Variants in TMEM144 observed in about 807,000 individuals in gnomAD.
TMEM144 encodes the protein transmembrane protein 144.
Under a neutral mutation model 43.6 loss-of-function variants are expected in TMEM144, and 39 were observed. The ratio of observed to expected loss-of-function variants is 0.90; its 90% CI spans 0.69 to 1.17. The LOEUF is 1.17. TMEM144 is among the 50% of genes most tolerant of loss of function. The pLI is 0.00. For missense variants in TMEM144, 417 were observed against 411.9 expected, an observed-to-expected ratio of 1.01 and a Z score of -0.11; for synonymous variants, 154 against 133.6, an observed-to-expected ratio of 1.15 and a Z score of -1.06.
intron 7 of TMEM144, 66 bp from the exon 8 acceptor site, chr4:158,235,372 A>G: frequency 6.5e-7 from 1 of 1,532,048 alleles, no homozygotes; most frequent in Non-Finnish European, 9.0e-7. Flanking sequence ...CACTAGAAAT[A>G]TTGTCACCAG....
chr4:158,222,255 C>A (rs1174079015), intron 6 of TMEM144, among the ~76,000 whole-genome samples: 2 of 152,176 alleles, frequency 1.3e-5, no homozygotes, highest in Non-Finnish European at 2.9e-5. Flanking sequence ...TGTCATTGTC[C>A]TGTTTAAAAA....
At chr4:158,227,354 G>A (rs1234049590) in intron 6 of TMEM144, among the ~76,000 whole-genome samples, 2 of 152,212 alleles carry the variant, frequency 1.3e-5, no homozygotes, top group East Asian at 3.9e-4. Flanking sequence ...CTGGGTTAAG[G>A]ATTTTTGATA....
intron 12 of TMEM144, among the ~76,000 whole-genome samples, chr4:158,253,072 A>T (rs1736290040): frequency 6.6e-6 from 1 of 152,082 alleles, no homozygotes; most frequent in South Asian, 2.1e-4. Context: ...TCCACTTCCC[A>T]CCCTCCAAAC....
At chr4:158,218,831 T>C (rs1205746686) in intron 5 of TMEM144, among the ~76,000 whole-genome samples, 1 of 152,146 alleles carries the variant, frequency 6.6e-6, no homozygotes, top group Non-Finnish European at 1.5e-5. Context: ...TATTATCCCA[T>C]TTTAAACATG....
chr4:158,238,975 T>C (rs1270082438), intron 9 of TMEM144, among the ~76,000 whole-genome samples: 1 of 152,214 alleles, frequency 6.6e-6, no homozygotes, highest in Non-Finnish European at 1.5e-5. Context: ...AACACATATG[T>C]AATATGTGCT....
intron 8 of TMEM144, 142 bp from the exon 9 acceptor site, chr4:158,237,383 G>A (rs918166178): frequency 1.5e-5 from 10 of 647,010 alleles, no homozygotes; most frequent in Non-Finnish European, 2.7e-5. Flanking sequence ...TGTGACTTCC[G>A]CCAGTCACAG....
chr4:158,219,450 G>T, intron 6 of TMEM144, 60 bp downstream of exon 6: 1 of 1,468,624 alleles, frequency 6.8e-7, no homozygotes, highest in Non-Finnish European at 9.5e-7. Flanking sequence ...GCTTTTTTAA[G>T]GATCCTGCTA....
At chr4:158,244,465 T>A in intron 12 of TMEM144, 116 bp downstream of exon 12, 1 of 735,560 alleles carries the variant, frequency 1.4e-6, no homozygotes, top group Non-Finnish European at 2.3e-6. Context: ...AGGTTAGGAG[T>A]TCAAGACCAG....
chr4:158,222,141 C>G (rs991262021), intron 6 of TMEM144, among the ~76,000 whole-genome samples: 1 of 152,184 alleles, frequency 6.6e-6, no homozygotes, highest in African/African-American at 2.4e-5. Flanking sequence ...CCTACCTACC[C>G]ACTTGTATAC....
chr4:158,235,401 G>A (rs1259960578), intron 7 of TMEM144, 37 bp from the exon 8 acceptor site: 1 of 1,604,604 alleles, frequency 6.2e-7, no homozygotes, highest in East Asian at 2.2e-5. Context: ...TCAATTGAAT[G>A]TTCTTTTGTT....
chr4:158,245,731 C>T (rs186613944), intron 12 of TMEM144, among the ~76,000 whole-genome samples: 1 of 152,168 alleles, frequency 6.6e-6, no homozygotes, highest in African/African-American at 2.4e-5. Flanking sequence ...TTGAGACCAG[C>T]CTAGGCAACA....
chr4:158,212,035 A>G (rs1184559472), intron 2 of TMEM144: 1 of 152,188 alleles, frequency 6.6e-6, no homozygotes, highest in African/African-American at 2.4e-5. Flanking sequence ...AAAAGAAACC[A>G]CTGGATTATT....
chr4:158,229,008 T>TTTTTA (rs1734923564), intron 6 of TMEM144, among the ~76,000 whole-genome samples: 1 of 151,822 alleles, frequency 6.6e-6, no homozygotes, highest in Non-Finnish European at 1.5e-5. Flanking sequence ...AGGACAGGGA[T>TTTTTA]TTTTACAGAG....
intron 3 of TMEM144, among the ~76,000 whole-genome samples, chr4:158,214,312 G>A (rs367659665): frequency 6.6e-6 from 1 of 152,192 alleles, no homozygotes; most frequent in Non-Finnish European, 1.5e-5. Flanking sequence ...ACAGGCCTAA[G>A]CCACCACGCC....
At chr4:158,252,186 A>G (rs1736240051) in intron 12 of TMEM144, among the ~76,000 whole-genome samples, 1 of 152,232 alleles carries the variant, frequency 6.6e-6, no homozygotes, top group Admixed American at 6.5e-5. Context: ...TACTTAACAC[A>G]GGAAGATATT....
At chr4:158,248,446 A>T (rs927427415) in intron 12 of TMEM144, among the ~76,000 whole-genome samples, 2 of 152,136 alleles carry the variant, frequency 1.3e-5, no homozygotes, top group Admixed American at 1.3e-4. Flanking sequence ...CACATAAATA[A>T]ATAAACAAAA....
At chr4:158,234,854 G>T (rs1735261993) in intron 7 of TMEM144, 1 of 152,566 alleles carries the variant, frequency 6.6e-6, no homozygotes, top group Non-Finnish European at 1.5e-5. Flanking sequence ...TTCATTTCCA[G>T]AATTTTTCAT....
chr4:158,216,339 G>A (rs1422321264), intron 4 of TMEM144, among the ~76,000 whole-genome samples: 1 of 152,206 alleles, frequency 6.6e-6, no homozygotes, highest in African/African-American at 2.4e-5. Context: ...CAGAATGGGA[G>A]GAGCCAATGA....
At chr4:158,235,618 G>A (rs1216277973) in intron 8 of TMEM144, 113 bp downstream of exon 8, 7 of 1,103,088 alleles carry the variant, frequency 6.3e-6, no homozygotes, top group Non-Finnish European at 8.6e-6. Context: ...TGTAATGCAA[G>A]CTTTGACTTC....
Sources: gnomAD v4.1 joint callset for allele counts (sites outside exome capture counted in the v4.1 genomes callset) on GRCh38, gnomAD v4.1.1 for gene constraint, MANE v1.5 for transcripts, NCBI Gene and HGNC (gene_info 2026-07-23, HGNC 2026-07-21) for gene names.